The following CFAP53 variants were observed in gnomAD, a reference collection of about 807,000 sequenced individuals.
The protein encoded by CFAP53 is cilia- and flagella-associated protein 53.
Under a neutral mutation model 59.7 loss-of-function variants are expected in CFAP53, and 62 were observed. That is an observed-to-expected ratio of 1.04 (90% CI 0.85 to 1.28). The LOEUF is 1.28. CFAP53 is among the 50% of genes most tolerant of loss of function. The pLI, the probability that CFAP53 is intolerant of heterozygous loss-of-function variation, is 0.00. For missense variants in CFAP53, 629 were observed against 615.6 expected, an observed-to-expected ratio of 1.02 and a Z score of -0.23; for synonymous variants, 218 against 205.7, an observed-to-expected ratio of 1.06 and a Z score of -0.51.
In CFAP53 at chr18:50,227,256, G is replaced by T; in HGVS notation, c.*125C>A. 1 of 725,070 alleles carries T rather than the reference G, an allele frequency of 1.4e-6. No homozygotes were observed. Among genetic ancestry groups the T allele is most frequent in the Non-Finnish European group, 2.2e-6 (1 of 446,196 alleles). The allele number at this position is 725,070 out of a possible 1,614,324, so 44.9% of individuals were successfully genotyped here. Reference sequence around the variant, plus strand: ...GGTTTATTCAAAGGAAGAAAATTATGTTCAATTAATTACACAAACTCAGGG... The same window carrying T: ...GGTTTATTCAAAGGAAGAAAATTATTTTCAATTAATTACACAAACTCAGGG... On this transcript the variant is annotated 3_prime_UTR_variant, in exon 8 of 8. Coordinates refer to ENST00000398545, the MANE Select transcript of CFAP53 (RefSeq NM_145020.5).
chr18:50,250,264 A>G (rs559600946), intron 5 of CFAP53, among the ~76,000 whole-genome samples: 1 of 152,082 alleles, frequency 6.6e-6, no homozygotes, highest in Non-Finnish European at 1.5e-5. Flanking sequence ...AGTTTAATTA[A>G]AAATCAAAGT....
At chr18:50,257,089 C>A (rs1332183069) in intron 3 of CFAP53, among the ~76,000 whole-genome samples, 1 of 151,694 alleles carries the variant, frequency 6.6e-6, no homozygotes, top group African/African-American at 2.4e-5. Context: ...TGTAAAAATC[C>A]CTTCTGAATA....
intron 5 of CFAP53, among the ~76,000 whole-genome samples, chr18:50,245,208 C>T (rs2033731992): frequency 6.6e-6 from 1 of 151,066 alleles, no homozygotes; most frequent in African/African-American, 2.4e-5. Context: ...AGGTGAAACC[C>T]CGCCTCTACT....
intron 7 of CFAP53, 38 bp from the exon 8 acceptor site, chr18:50,227,647 A>T: frequency 7.0e-7 from 1 of 1,435,834 alleles, no homozygotes; most frequent in Non-Finnish European, 9.8e-7. Context: ...AAATTATAAA[A>T]GTAAGCATTT....
At chr18:50,252,223 C>A (rs1030745067) in intron 3 of CFAP53, among the ~76,000 whole-genome samples, 1 of 152,120 alleles carries the variant, frequency 6.6e-6, no homozygotes, top group Non-Finnish European at 1.5e-5. Context: ...CCTGCCTCAG[C>A]CTTCTGAGTA....
rs924495268 is a variant in CFAP53 at position 50,229,315 on chromosome 18, T to C, written c.1317-1706A>G. Among the ~76,000 whole-genome samples the C allele has an allele frequency of 5.9e-5, 9 of 152,224 alleles. No homozygotes were observed. The East Asian group carries it at 1.7e-3, about 29-fold the overall frequency. ...AAATCTGACTACTTTATATGTCTCA[T>C]AAAAGTAGAATCATACAGTATTTGT... On this transcript the variant is annotated intron_variant, in intron 7 of 7. Coordinates refer to ENST00000398545, the MANE Select transcript of CFAP53 (RefSeq NM_145020.5).
chr18:50,244,907 A>C (rs930465877), intron 5 of CFAP53, among the ~76,000 whole-genome samples: 4 of 151,740 alleles, frequency 2.6e-5, no homozygotes, highest in Admixed American at 6.6e-5. Context: ...CTAAAAATAC[A>C]AAAAAATTAG....
intron 5 of CFAP53, among the ~76,000 whole-genome samples, chr18:50,245,844 C>T (rs903607670): frequency 2.6e-5 from 4 of 152,090 alleles, no homozygotes; most frequent in South Asian, 2.1e-4. Flanking sequence ...TGAGGATTTA[C>T]ATTTTCTCTC....
chr18:50,247,391 G>C (rs1032986302), intron 5 of CFAP53, among the ~76,000 whole-genome samples: 6 of 152,210 alleles, frequency 3.9e-5, no homozygotes, highest in African/African-American at 1.2e-4. Flanking sequence ...TTGGAAAACA[G>C]TTTGGCAGTT....
intron 3 of CFAP53, among the ~76,000 whole-genome samples, chr18:50,259,681 C>T (rs769586122): frequency 2.0e-5 from 3 of 152,084 alleles, no homozygotes; most frequent in East Asian, 1.9e-4. Context: ...AATACACCCA[C>T]CTCAGCCTCC....
At chr18:50,252,348 C>T (rs1027078671) in intron 3 of CFAP53, among the ~76,000 whole-genome samples, 14 of 152,192 alleles carry the variant, frequency 9.2e-5, no homozygotes, top group Admixed American at 2.6e-4. Flanking sequence ...TTGTGATCCG[C>T]CCACCTCAGC....
rs1555673478 is a variant in CFAP53 at position 50,266,411 on chromosome 18, G to C, written c.-7C>G. ...CAAACCGCTGGCTGTACATTTTCGA[G>C]TCCCCTTCGGGACGGGGGCGGCGTC... On this transcript the variant is annotated 5_prime_UTR_variant, in exon 1 of 8. Transcript: ENST00000398545. The C allele has an allele frequency of 5.6e-6, 9 of 1,614,214 alleles. No individual in the cohort carries two copies. The highest frequency in any genetic ancestry group is 5.9e-6 in the Non-Finnish European group (7 of 1,179,994).
intron 7 of CFAP53, among the ~76,000 whole-genome samples, chr18:50,238,390 G>A (rs1415149435): frequency 1.3e-5 from 2 of 152,148 alleles, no homozygotes; most frequent in African/African-American, 2.4e-5. Flanking sequence ...AGGACTACAG[G>A]TCTATGTCAC....
intron 3 of CFAP53, among the ~76,000 whole-genome samples, chr18:50,259,302 A>T (rs1307382450): frequency 1.3e-5 from 2 of 152,184 alleles, no homozygotes; most frequent in Non-Finnish European, 2.9e-5. Context: ...CATTTATAAC[A>T]CTATGGATGG....
At chr18:50,245,532 T>A (rs1225039905) in intron 5 of CFAP53, among the ~76,000 whole-genome samples, 1 of 152,346 alleles carries the variant, frequency 6.6e-6, no homozygotes, top group East Asian at 1.9e-4. Flanking sequence ...AGAAATGTTA[T>A]ACTTAGGAAT....
At chr18:50,250,608 C>T in intron 5 of CFAP53, 150 bp downstream of exon 5, 1 of 644,570 alleles carries the variant, frequency 1.6e-6, no homozygotes. Flanking sequence ...ATTTCTGTTT[C>T]TAACATTTTC....
At chr18:50,236,790 C>G (rs1017680215) in intron 7 of CFAP53, among the ~76,000 whole-genome samples, 3 of 152,134 alleles carry the variant, frequency 2.0e-5, no homozygotes, top group Admixed American at 2.0e-4. Flanking sequence ...ATGTTCCGAG[C>G]AAGAACTACC....
intron 3 of CFAP53, among the ~76,000 whole-genome samples, chr18:50,254,136 T>TTA (rs1555672519): frequency 2.8e-5 from 4 of 141,522 alleles, no homozygotes; most frequent in Non-Finnish European, 3.1e-5. Context: ...AAAAACCATT[T>TTA]AAAAAAAAAA....
In CFAP53 at chr18:50,251,764, C is replaced by A; in HGVS notation, c.494G>T (p.Arg165Leu). 1 of 1,613,920 alleles carries A rather than the reference C, an allele frequency of 6.2e-7. No homozygotes were observed. The highest frequency in any genetic ancestry group is 8.5e-7 in the Non-Finnish European group (1 of 1,179,872). ...CTGATGGATAGATAACAATTCAACA[C>A]GGAGCTCCTCACAGCGTTCCCTGAA... is the stretch of plus-strand genomic sequence containing the variant. ...QQFRERCEEL[R>L]VELLSIHQKK... The change falls in exon 4 of 8, where the codon CGT (arginine) becomes CTT (leucine). Residue 165 changes from arginine to leucine, a missense_variant. Physicochemically the swap from Arg to Leu is moderately radical, Grantham distance 102 (BLOSUM62 -2). Coordinates refer to ENST00000398545, the MANE Select transcript of CFAP53 (RefSeq NM_145020.5).
Sources: allele counts gnomAD v4.1 joint callset (sites outside exome capture counted in the v4.1 genomes callset), GRCh38; gene constraint gnomAD v4.1.1; transcripts MANE v1.5; gene names NCBI Gene and HGNC (gene_info 2026-07-23, HGNC 2026-07-21).